Variants in ALDH1A2 observed in about 807,000 individuals in gnomAD.
ALDH1A2 encodes aldehyde dehydrogenase 1 family member A2, also known as retinal dehydrogenase 2.
ALDH1A2 carries 27 observed loss-of-function variants against 60.3 expected under a neutral mutation model. The observed-to-expected ratio is 0.45, with a 90% CI of 0.33 to 0.62. ALDH1A2 has a LOEUF of 0.62. ALDH1A2 is among the 20% of genes least tolerant of loss of function. The probability of loss-of-function intolerance (pLI) is 0.02; values close to 1 mark genes in which losing one functional copy is unlikely to be tolerated. For synonymous variants in ALDH1A2, 289 were observed against 232.4 expected (o/e 1.24, Z -2.21); for missense variants, 581 against 643.8 (o/e 0.90, Z 1.06).
chr15:58,027,444 A>G (rs1171892497), intron 1 of ALDH1A2, among the ~76,000 whole-genome samples: 2 of 152,162 alleles, frequency 1.3e-5, no homozygotes, highest in African/African-American at 4.8e-5. Context: ...GAGAAGAGAA[A>G]CCTGAGCAGA....
In ALDH1A2 at chr15:58,058,085, TGCCA is replaced by T. The variant is rs1270671317; in HGVS notation, c.117+7445_117+7448del. 5.2e-6 allele frequency: 8 copies of T among 1,533,870 alleles called. No homozygotes were observed. The African/African-American group carries it at 6.8e-5, about 13-fold the overall frequency. ...CTTCATCTTCTCCCAAAAAGGATTCTGCCAGCAAGTCCAATTTTCACACCTAGAG... is the reference window on the plus strand; with the variant it reads ...CTTCATCTTCTCCCAAAAAGGATTCTGCAAGTCCAATTTTCACACCTAGAG... On this transcript the variant is annotated intron_variant, in intron 1 of 12. Coordinates refer to ENST00000249750, the MANE Select transcript of ALDH1A2 (RefSeq NM_003888.4).
At chr15:57,980,880 T>C (rs771137234) in intron 7 of ALDH1A2, among the ~76,000 whole-genome samples, 1 of 152,216 alleles carries the variant, frequency 6.6e-6, no homozygotes, top group Non-Finnish European at 1.5e-5. Flanking sequence ...TCTTTGTACC[T>C]CTGATAGAAT....
intron 1 of ALDH1A2, among the ~76,000 whole-genome samples, chr15:58,028,743 G>C (rs189987551): frequency 6.6e-6 from 1 of 152,160 alleles, no homozygotes; most frequent in East Asian, 1.9e-4. Context: ...AAAAGCAGGG[G>C]TTGCAATCCC....
intron 1 of ALDH1A2, among the ~76,000 whole-genome samples, chr15:58,030,374 T>C (rs141743959): frequency 7.6e-4 from 116 of 152,298 alleles, no homozygotes; most frequent in African/African-American, 2.5e-3. Context: ...AAACTAGGTA[T>C]TGATAGAATG....
At chr15:58,061,680 G>T (rs905735661) in intron 1 of ALDH1A2, among the ~76,000 whole-genome samples, 1 of 145,706 alleles carries the variant, frequency 6.9e-6, no homozygotes, top group Non-Finnish European at 1.5e-5. Flanking sequence ...AAAAGTGTAT[G>T]GTGATGAAAA....
chr15:57,999,862 A>G (rs868655248), intron 4 of ALDH1A2, among the ~76,000 whole-genome samples: 3 of 152,120 alleles, frequency 2.0e-5, no homozygotes, highest in Admixed American at 6.6e-5. Context: ...GTATATATAC[A>G]TCAAGGAATA....
intron 7 of ALDH1A2, among the ~76,000 whole-genome samples, chr15:57,978,960 C>T (rs952657839): frequency 3.9e-5 from 6 of 152,264 alleles, no homozygotes; most frequent in Admixed American, 1.3e-4. Context: ...CCCTTGAGCT[C>T]AGGAGGTGGA....
intron 7 of ALDH1A2, among the ~76,000 whole-genome samples, chr15:57,988,496 C>A (rs543330085): frequency 6.6e-6 from 1 of 152,040 alleles, no homozygotes; most frequent in African/African-American, 2.4e-5. Flanking sequence ...AATGAAAACA[C>A]GAAGAGTAGA....
intron 12 of ALDH1A2, among the ~76,000 whole-genome samples, chr15:57,959,838 CTATCTGAAG>C (rs1893662969): frequency 6.6e-6 from 1 of 152,028 alleles, no homozygotes; most frequent in Non-Finnish European, 1.5e-5. Flanking sequence ...ACCAGTGAAA[CTATCTGAAG>C]TATGTAAATC....
chr15:58,022,685 C>T (rs978347932), intron 1 of ALDH1A2, among the ~76,000 whole-genome samples: 15 of 152,190 alleles, frequency 9.9e-5, no homozygotes, highest in Non-Finnish European at 1.8e-4. Flanking sequence ...CTCAGCACAA[C>T]TTCACCACAG....
chr15:58,035,732 TGTTTTA>T (rs1328231920), intron 1 of ALDH1A2, among the ~76,000 whole-genome samples: 1 of 151,784 alleles, frequency 6.6e-6, no homozygotes, highest in East Asian at 1.9e-4. Context: ...GCTATCTTTC[TGTTTTA>T]GTTTAATTCC....
intron 7 of ALDH1A2, among the ~76,000 whole-genome samples, chr15:57,982,454 T>A (rs974432605): frequency 6.6e-6 from 1 of 152,216 alleles, no homozygotes. Flanking sequence ...AGAGTTGTGA[T>A]ATACTATTCT....
intron 5 of ALDH1A2, among the ~76,000 whole-genome samples, 182 bp downstream of exon 5, chr15:57,994,896 C>G (rs1283752706): frequency 6.6e-6 from 1 of 152,020 alleles, no homozygotes; most frequent in Non-Finnish European, 1.5e-5. Context: ...AGAGCTGAAA[C>G]CCTATTAACC....
At chr15:57,975,390 G>C (rs900963575) in intron 7 of ALDH1A2, among the ~76,000 whole-genome samples, 1 of 152,204 alleles carries the variant, frequency 6.6e-6, no homozygotes, top group Non-Finnish European at 1.5e-5. Context: ...ACCTGATACA[G>C]GTTGAACATC....
intron 1 of ALDH1A2, 117 bp downstream of exon 1, chr15:58,065,417 G>A: frequency 1.1e-6 from 1 of 914,554 alleles, no homozygotes; most frequent in South Asian, 1.3e-5. Flanking sequence ...CGGGATGACA[G>A]GCTGGCCCCG....
chr15:58,058,014 G>C (rs1896938949), intron 1 of ALDH1A2: 3 of 1,489,586 alleles, frequency 2.0e-6, no homozygotes, highest in East Asian at 2.5e-5. Flanking sequence ...GAATTCACCA[G>C]TTTCAGTTTT....
At chr15:58,060,488 T>A (rs9920441) in intron 1 of ALDH1A2, among the ~76,000 whole-genome samples, 1 of 106,840 alleles carries the variant, frequency 9.4e-6, no homozygotes, top group African/African-American at 3.4e-5. Flanking sequence ...TTTTTTTTTG[T>A]GCTGTTGCAT....
At chr15:58,017,245 T>TA (rs1381109943) in intron 1 of ALDH1A2, among the ~76,000 whole-genome samples, 3 of 152,176 alleles carry the variant, frequency 2.0e-5, no homozygotes, top group African/African-American at 7.2e-5. Context: ...CCTGCTCTGA[T>TA]AAAAGGACAT....
chr15:58,004,750 C>A (rs1284722718), intron 4 of ALDH1A2, among the ~76,000 whole-genome samples: 4 of 116,216 alleles, frequency 3.4e-5, no homozygotes, highest in African/African-American at 6.0e-5. Context: ...TATATTTTAT[C>A]CAGTCATCCA....
Sources: allele counts gnomAD v4.1 joint callset (sites outside exome capture counted in the v4.1 genomes callset), GRCh38; gene constraint gnomAD v4.1.1; transcripts MANE v1.5; gene names NCBI Gene and HGNC (gene_info 2026-07-23, HGNC 2026-07-21).